Variants in LRRC8C observed in about 807,000 individuals in gnomAD.
LRRC8C encodes the protein leucine rich repeat containing 8 VRAC subunit C.
LRRC8C carries 20 observed loss-of-function variants against 55.3 expected under a neutral mutation model. The observed-to-expected ratio is 0.36, with a 90% CI of 0.25 to 0.53. LRRC8C has a LOEUF of 0.53. LRRC8C is among the 20% of genes least tolerant of loss of function. The pLI is 0.92. For missense variants in LRRC8C, 659 were observed against 951.4 expected (o/e 0.69, Z 4.04); for synonymous variants, 376 against 360.7 (o/e 1.04, Z -0.48).
intron 1 of LRRC8C, among the ~76,000 whole-genome samples, chr1:89,680,526 G>T (rs1260681224): frequency 6.8e-6 from 1 of 146,936 alleles, no homozygotes; most frequent in Non-Finnish European, 1.5e-5. Context: ...GTTGATAAGT[G>T]CCAGGTGTTT....
the LRRC8C span, chr1:89,626,304 G>C: frequency 1.3e-3 from 194 of 152,296 alleles, 1 homozygote; most frequent in African/African-American, 4.1e-3. Context: ...GCCACCAAAT[G>C]TGTGGGTTTC....
chr1:89,693,539 T>G lies in LRRC8C; in HGVS notation c.138+6928T>G, dbSNP rs144604230. On this transcript the variant is annotated intron_variant, in intron 2 of 2. Coordinates refer to ENST00000370454, the MANE Select transcript of LRRC8C (RefSeq NM_032270.5). ...GAAGCCCAGAAATTCTTACTTAGAA[T>G]CAGTAATACTGATTACATCAGAATA... Among the ~76,000 whole-genome samples the G allele has an allele frequency of 5.3e-5, 8 of 151,440 alleles. No individual in the cohort carries two copies. The East Asian group carries it at 1.6e-3, about 29-fold the overall frequency.
chr1:89,631,062 G>A (rs1656093770), upstream of LRRC8C, among the ~76,000 whole-genome samples: 1 of 152,182 alleles, frequency 6.6e-6, no homozygotes, highest in African/African-American at 2.4e-5. Context: ...CAGATCCCAG[G>A]TTTCCAAACC....
At chr1:89,692,427 C>A (rs1229667738) in intron 2 of LRRC8C, among the ~76,000 whole-genome samples, 1 of 152,078 alleles carries the variant, frequency 6.6e-6, no homozygotes, top group Admixed American at 6.6e-5. Flanking sequence ...TCTGTTTACT[C>A]CTAAAAGATT....
intron 1 of LRRC8C, among the ~76,000 whole-genome samples, chr1:89,685,101 C>CTTTTTTTTTTT (rs11316114): frequency 9.2e-5 from 7 of 76,164 alleles, no homozygotes; most frequent in East Asian, 4.8e-4. Flanking sequence ...CTATCTAGTT[C>CTTTTTTTTTTT]TTTTTTTTTT....
rs776425911 is a variant in LRRC8C at position 89,714,124 on chromosome 1, G to A, written c.1554G>A (p.Glu518=). 1.9e-6 allele frequency: 3 copies of A among 1,614,160 alleles called. No homozygotes were observed. The highest frequency in any genetic ancestry group is 2.2e-5 in the South Asian group (2 of 91,076). The change falls in exon 3 of 3, where the codon GAG becomes GAA. Residue 518 remains glutamate (E), a synonymous_variant. Coordinates refer to ENST00000370454, the MANE Select transcript of LRRC8C (RefSeq NM_032270.5). The surrounding 1 kb of genome is among the most constrained non-coding windows in gnomAD (Gnocchi z 4.6). ...PWMYGLRNLE[E]LYLVGSLSHD... ...TGTATGGGCTCCGAAATCTGGAAGA[G>A]CTGTACCTAGTTGGCTCTCTAAGTC...
At chr1:89,621,296 T>TAAAAAA in the LRRC8C span, among the ~76,000 whole-genome samples, 5 of 123,834 alleles carry the variant, frequency 4.0e-5, no homozygotes, top group African/African-American at 1.4e-4. Context: ...CCGTCTCTAC[T>TAAAAAA]AAAAAAAAAA....
intron 2 of LRRC8C, chr1:89,706,343 T>G (rs770474506): frequency 3.1e-4 from 140 of 456,200 alleles, no homozygotes; most frequent in South Asian, 1.3e-3. Context: ...TGTTTTAACC[T>G]CAGCCCTTTG....
At chr1:89,688,739 A>G (rs999879244) in intron 2 of LRRC8C, among the ~76,000 whole-genome samples, 1 of 152,238 alleles carries the variant, frequency 6.6e-6, no homozygotes, top group African/African-American at 2.4e-5. Context: ...ATAAAGGTCA[A>G]ATGTTAACTG....
chr1:89,710,539 A>G (rs1169242790), intron 2 of LRRC8C, among the ~76,000 whole-genome samples: 1 of 152,266 alleles, frequency 6.6e-6, no homozygotes, highest in African/African-American at 2.4e-5. Flanking sequence ...TCTAAGTAAT[A>G]GAAATGTTTG....
chr1:89,654,517 T>A (rs1012012664), intron 1 of LRRC8C, among the ~76,000 whole-genome samples: 2 of 152,210 alleles, frequency 1.3e-5, no homozygotes, highest in Non-Finnish European at 2.9e-5. Flanking sequence ...ACTCCCTTTA[T>A]ATTCCTCAAT....
the LRRC8C span, among the ~76,000 whole-genome samples, chr1:89,622,654 C>T: frequency 6.6e-6 from 1 of 152,188 alleles, no homozygotes; most frequent in South Asian, 2.1e-4. Flanking sequence ...TCTTTAACAT[C>T]ATGCCTGACG....
intron 1 of LRRC8C, 61 bp from the exon 2 acceptor site, chr1:89,686,409 A>T: frequency 6.4e-7 from 1 of 1,573,592 alleles, no homozygotes; most frequent in Non-Finnish European, 8.7e-7. Context: ...CACATTTGGT[A>T]ACAATGCAGT....
upstream of LRRC8C, chr1:89,632,806 A>T (rs1656144402): frequency 6.6e-6 from 1 of 152,300 alleles, no homozygotes; most frequent in Admixed American, 6.5e-5. Flanking sequence ...CAGGGGTGGG[A>T]GTGGCCGCGT....
At chr1:89,703,041 A>T (rs983772564) in intron 2 of LRRC8C, among the ~76,000 whole-genome samples, 24 of 152,220 alleles carry the variant, frequency 1.6e-4, no homozygotes, top group African/African-American at 5.5e-4. Context: ...GGAAGAAAGG[A>T]TGGAGCAATA....
chr1:89,714,536 A>G lies in LRRC8C; in HGVS notation c.1966A>G (p.Ile656Val). ...CAGCATCACCTACATCCCAGAGCAT[A>G]TAAAGAAACTCACCAGCCTGGAACG... ...HNSITYIPEH[I>V]KKLTSLERLS... is the part of the protein sequence containing the mutation. The change falls in exon 3 of 3, where the codon ATA becomes GTA. Residue 656 changes from isoleucine to valine, a missense_variant. By Grantham distance (29) the Ile-to-Val change is conservative. Coordinates refer to ENST00000370454, the MANE Select transcript of LRRC8C (RefSeq NM_032270.5). The surrounding 1 kb of genome is among the most constrained non-coding windows in gnomAD (Gnocchi z 4.6). 6.2e-7 allele frequency: 1 copy of G among 1,614,186 alleles called. No individual in the cohort carries two copies. Among genetic ancestry groups the G allele is most frequent in the Middle Eastern group, 1.6e-4 (1 of 6,062 alleles).
In LRRC8C at chr1:89,713,885, A is replaced by C. The variant is rs149529211; in HGVS notation, c.1315A>C (p.Thr439Pro). ...TATCATGCTCTCTGGCCTTCCAGAC[A>C]CTGTTTTTGAAATCACAGAGTTGCA... Reference protein sequence around the residue: ...PLIMLSGLPDTVFEITELQSL... With the variant: ...PLIMLSGLPDPVFEITELQSL... The change falls in exon 3 of 3, where the codon ACT becomes CCT. Residue 439 changes from threonine to proline, a missense_variant. Thr to Pro is a conservative substitution (Grantham distance 38, BLOSUM62 -1). This residue lies in a region of LRRC8C where 344 missense variants were observed against 464.6 expected (regional missense o/e 0.74). Coordinates refer to ENST00000370454, the MANE Select transcript of LRRC8C (RefSeq NM_032270.5). The surrounding 1 kb of genome is among the most constrained non-coding windows in gnomAD (Gnocchi z 5.2). The C allele has an allele frequency of 1.2e-4, 200 of 1,614,080 alleles. No homozygotes were observed. The highest frequency in any genetic ancestry group is 1.7e-4 in the Non-Finnish European group (195 of 1,180,038).
At chr1:89,712,011 A>G (rs1305273574) in intron 2 of LRRC8C, among the ~76,000 whole-genome samples, 1 of 152,248 alleles carries the variant, frequency 6.6e-6, no homozygotes, top group African/African-American at 2.4e-5. Context: ...TCTCATACAC[A>G]GACTGATACA....
chr1:89,698,502 TC>T (rs1658232166), intron 2 of LRRC8C, among the ~76,000 whole-genome samples: 1 of 152,212 alleles, frequency 6.6e-6, no homozygotes. Flanking sequence ...GCTTAATCTT[TC>T]TATCAGTGAC....
Sources: allele counts gnomAD v4.1 joint callset (sites outside exome capture counted in the v4.1 genomes callset), GRCh38; gene constraint gnomAD v4.1.1; regional missense constraint gnomAD v4.1.1; non-coding constraint Gnocchi (gnomAD v3.1); transcripts MANE v1.5; gene names NCBI Gene and HGNC (gene_info 2026-07-23, HGNC 2026-07-21).